Variants in PDZRN4 observed in about 807,000 individuals in gnomAD.
PDZRN4 encodes PDZ domain-containing RING finger protein 4.
A neutral mutation model predicts 99.0 loss-of-function variants in PDZRN4; 70 were observed. The observed-to-expected ratio is 0.71, with a 90% CI of 0.58 to 0.86. The LOEUF (loss-of-function observed/expected upper bound fraction) is 0.86, where lower values mean the gene tolerates loss of function less well. Among genes scored for constraint, PDZRN4 ranks in the 40% least tolerant of loss-of-function variants. The pLI is 0.00. For synonymous variants in PDZRN4, 551 were observed against 501.6 expected (o/e 1.10, Z -1.32); for missense variants, 1,474 against 1,331.2 (o/e 1.11, Z -1.67).
At chr12:41,223,965 G>A (rs1950975808) in intron 3 of PDZRN4, among the ~76,000 whole-genome samples, 2 of 152,240 alleles carry the variant, frequency 1.3e-5, no homozygotes, top group Admixed American at 1.3e-4. Context: ...CACTAAAGAG[G>A]CCTCTGACCA....
intron 3 of PDZRN4, among the ~76,000 whole-genome samples, chr12:41,448,811 CAT>C (rs1383448805): frequency 6.6e-6 from 1 of 152,094 alleles, no homozygotes; most frequent in African/African-American, 2.4e-5. Context: ...GATTGACAAA[CAT>C]ATTTTAATAT....
intron 3 of PDZRN4, among the ~76,000 whole-genome samples, chr12:41,425,137 A>C (rs1952524453): frequency 6.6e-6 from 1 of 152,216 alleles, no homozygotes; most frequent in Non-Finnish European, 1.5e-5. Context: ...GATCAATTTT[A>C]AATAAATTAT....
intron 3 of PDZRN4, among the ~76,000 whole-genome samples, chr12:41,227,938 T>C (rs979887170): frequency 1.3e-5 from 2 of 151,398 alleles, no homozygotes; most frequent in African/African-American, 2.4e-5. Flanking sequence ...GTTGAAATGG[T>C]ATATTACCAT....
intron 5 of PDZRN4, among the ~76,000 whole-genome samples, chr12:41,551,738 G>T (rs185647570): frequency 6.6e-6 from 1 of 151,984 alleles, no homozygotes; most frequent in Non-Finnish European, 1.5e-5. Context: ...TTTACTAATG[G>T]GTCTTATATT....
At chr12:41,194,700 T>G (rs116775259) in intron 3 of PDZRN4, among the ~76,000 whole-genome samples, 255 of 152,330 alleles carry the variant, frequency 1.7e-3, no homozygotes, top group African/African-American at 5.6e-3. Flanking sequence ...GATATTGTGA[T>G]GAAAGAATAA....
chr12:41,232,400 T>C (rs1257104763), intron 3 of PDZRN4, among the ~76,000 whole-genome samples: 3 of 152,218 alleles, frequency 2.0e-5, no homozygotes, highest in South Asian at 4.1e-4. Flanking sequence ...TATTTTTCCA[T>C]AGGCAGTTCC....
At chr12:41,476,114 AG>A (rs745954907) in intron 3 of PDZRN4, among the ~76,000 whole-genome samples, 2 of 152,180 alleles carry the variant, frequency 1.3e-5, no homozygotes, top group Non-Finnish European at 2.9e-5. Context: ...AGTACTCTGA[AG>A]TTAGTCTTTT....
At chr12:41,350,504 C>T (rs183287540) in intron 3 of PDZRN4, among the ~76,000 whole-genome samples, 2 of 152,016 alleles carry the variant, frequency 1.3e-5, no homozygotes, top group African/African-American at 2.4e-5. Flanking sequence ...TTTATGAAAT[C>T]TCTCAAATTT....
At chr12:41,470,266 T>C (rs1952973251) in intron 3 of PDZRN4, among the ~76,000 whole-genome samples, 1 of 152,158 alleles carries the variant, frequency 6.6e-6, no homozygotes, top group East Asian at 1.9e-4. Context: ...TTTGTGATGG[T>C]AGTGACAAGG....
At chr12:41,306,308 G>C (rs1049961825) in intron 3 of PDZRN4, among the ~76,000 whole-genome samples, 1 of 152,244 alleles carries the variant, frequency 6.6e-6, no homozygotes, top group Non-Finnish European at 1.5e-5. Context: ...ACCAGAGACT[G>C]TTGGGTCTGT....
At chr12:41,314,868 A>T (rs1951628778) in intron 3 of PDZRN4, among the ~76,000 whole-genome samples, 1 of 151,832 alleles carries the variant, frequency 6.6e-6, no homozygotes, top group Non-Finnish European at 1.5e-5. Flanking sequence ...GTCCATTGTA[A>T]GTCTTTTTAA....
At chr12:41,262,317 A>T (rs1283886708) in intron 3 of PDZRN4, among the ~76,000 whole-genome samples, 1 of 152,134 alleles carries the variant, frequency 6.6e-6, no homozygotes, top group Non-Finnish European at 1.5e-5. Context: ...CACAACGTTC[A>T]CTTGCTGGCC....
At chr12:41,397,363 C>A (rs1952255360) in intron 3 of PDZRN4, among the ~76,000 whole-genome samples, 1 of 152,128 alleles carries the variant, frequency 6.6e-6, no homozygotes, top group Non-Finnish European at 1.5e-5. Flanking sequence ...ACAAAGGATT[C>A]TTGCTTTGCC....
chr12:41,506,878 A>G lies in PDZRN4; in HGVS notation c.1100+166A>G, dbSNP rs1333926206. 2.0e-5 allele frequency among the ~76,000 whole-genome samples: 3 copies of G among 152,224 alleles called. No homozygotes were observed. In the East Asian group the frequency reaches 5.8e-4, roughly 29 times the overall value. On this transcript the variant is annotated intron_variant, in intron 4 of 9. Coordinates refer to ENST00000402685, the MANE Select transcript of PDZRN4 (RefSeq NM_001164595.2). ...GTTTTGATATGTGCAATTAGTTCTCAGTGGTCCCTGCTAGCTACTCTCCCT... is the reference window on the plus strand; with the variant it reads ...GTTTTGATATGTGCAATTAGTTCTCGGTGGTCCCTGCTAGCTACTCTCCCT...
intron 3 of PDZRN4, among the ~76,000 whole-genome samples, chr12:41,365,958 AG>A (rs980276989): frequency 2.6e-5 from 4 of 152,132 alleles, no homozygotes; most frequent in African/African-American, 9.6e-5. Context: ...ACCTATTGAA[AG>A]TAATAGGCCA....
chr12:41,502,108 C>T (rs1017575169), intron 3 of PDZRN4, among the ~76,000 whole-genome samples: 2 of 152,090 alleles, frequency 1.3e-5, no homozygotes, highest in Non-Finnish European at 2.9e-5. Context: ...CCTCTCGTTG[C>T]ATAATGTGTC....
intron 3 of PDZRN4, among the ~76,000 whole-genome samples, chr12:41,371,860 A>G (rs1402271968): frequency 6.6e-6 from 1 of 152,102 alleles, no homozygotes; most frequent in Non-Finnish European, 1.5e-5. Context: ...ATATGCCGTC[A>G]ATGTTCACCC....
intron 7 of PDZRN4, among the ~76,000 whole-genome samples, chr12:41,562,026 G>C (rs372018764): frequency 1.3e-5 from 2 of 151,894 alleles, no homozygotes; most frequent in East Asian, 1.9e-4. Flanking sequence ...TATCCTTCCC[G>C]GTCATTATTT....
At chr12:41,459,261 CA>C (rs1366266131) in intron 3 of PDZRN4, among the ~76,000 whole-genome samples, 2 of 152,126 alleles carry the variant, frequency 1.3e-5, no homozygotes, top group Non-Finnish European at 2.9e-5. Context: ...ACCAACATTT[CA>C]AAACAATTTA....
Sources: gnomAD v4.1 joint callset for allele counts (sites outside exome capture counted in the v4.1 genomes callset) on GRCh38, gnomAD v4.1.1 for gene constraint, MANE v1.5 for transcripts, NCBI Gene and HGNC (gene_info 2026-07-23, HGNC 2026-07-21) for gene names.